The following PSD3 variants were observed in gnomAD, a reference collection of about 807,000 sequenced individuals.
The protein encoded by PSD3 is PH and SEC7 domain-containing protein 3.
In PSD3, 49 loss-of-function variants were observed where a neutral mutation model predicts 105.5. That is an observed-to-expected ratio of 0.46 (90% CI 0.37 to 0.59). The LOEUF is 0.59. PSD3 is among the 20% of genes least tolerant of loss of function. The pLI is 0.00. For missense variants in PSD3, 1,561 were observed against 1,263.8 expected, an observed-to-expected ratio of 1.24 and a Z score of -3.57; for synonymous variants, 557 against 457.8, an observed-to-expected ratio of 1.22 and a Z score of -2.77.
intron 4 of PSD3, among the ~76,000 whole-genome samples, chr8:18,858,748 T>G (rs1255593470): frequency 6.6e-6 from 1 of 152,224 alleles, no homozygotes; most frequent in Non-Finnish European, 1.5e-5. Flanking sequence ...TAAAGTTTTA[T>G]CATGACACTG....
At chr8:18,684,041 C>T (rs1800523150) in intron 9 of PSD3, 1 of 648,432 alleles carries the variant, frequency 1.5e-6, no homozygotes. Context: ...TGAGCAGCTC[C>T]TGAGCGCCGT....
At chr8:18,742,913 G>C (rs935005377) in intron 9 of PSD3, among the ~76,000 whole-genome samples, 1 of 152,170 alleles carries the variant, frequency 6.6e-6, no homozygotes, top group African/African-American at 2.4e-5. Flanking sequence ...CCACATTTCA[G>C]AGAACTGTAG....
At chr8:18,960,279 A>C (rs908306567) in intron 1 of PSD3, among the ~76,000 whole-genome samples, 11 of 152,232 alleles carry the variant, frequency 7.2e-5, no homozygotes, top group Admixed American at 6.5e-4. Context: ...TTAATAGGTA[A>C]GAAGGAATCT....
chr8:18,844,169 G>T (rs1031223244), intron 4 of PSD3, among the ~76,000 whole-genome samples: 3 of 151,486 alleles, frequency 2.0e-5, no homozygotes, highest in African/African-American at 7.3e-5. Context: ...TCTAAGAGCT[G>T]TATCTCCCCA....
At chr8:19,073,360 G>A (rs944941707) in intron 1 of PSD3, among the ~76,000 whole-genome samples, 4 of 151,942 alleles carry the variant, frequency 2.6e-5, no homozygotes, top group Non-Finnish European at 5.9e-5. Context: ...AGACCAGCCT[G>A]GCCAAAATGG....
intron 1 of PSD3, among the ~76,000 whole-genome samples, chr8:18,989,043 CT>C (rs1253587885): frequency 6.6e-6 from 1 of 152,122 alleles, no homozygotes; most frequent in Non-Finnish European, 1.5e-5. Flanking sequence ...CGTAGGTATT[CT>C]TTTTTCAGAC....
chr8:18,808,994 A>G, intron 4 of PSD3: 1 of 1,275,594 alleles, frequency 7.8e-7, no homozygotes, highest in South Asian at 1.8e-5. Flanking sequence ...TAAAAACAGC[A>G]GCCAGAACAC....
intron 9 of PSD3, among the ~76,000 whole-genome samples, chr8:18,663,120 T>C (rs1224569499): frequency 6.6e-6 from 1 of 152,146 alleles, no homozygotes; most frequent in African/African-American, 2.4e-5. Flanking sequence ...TCTCTGGGGA[T>C]GCACAAAATC....
chr8:18,666,500 CT>C (rs1429044691), intron 9 of PSD3, among the ~76,000 whole-genome samples: 1 of 152,220 alleles, frequency 6.6e-6, no homozygotes, highest in Non-Finnish European at 1.5e-5. Flanking sequence ...CTAGTTACAA[CT>C]GTAAACATCT....
At chr8:18,849,183 C>G (rs533968154) in intron 4 of PSD3, 2 of 152,282 alleles carry the variant, frequency 1.3e-5, no homozygotes, top group South Asian at 4.1e-4. Context: ...TAAAAAGTGC[C>G]AAGTCCTAAA....
chr8:18,700,142 C>T (rs1411547817), intron 9 of PSD3, among the ~76,000 whole-genome samples: 1 of 152,042 alleles, frequency 6.6e-6, no homozygotes, highest in Admixed American at 6.6e-5. Context: ...AATTAGCAAC[C>T]ATCTTTTGGG....
At chr8:18,821,708 CACACACACA>C (rs1812728896) in intron 4 of PSD3, among the ~76,000 whole-genome samples, 1 of 141,542 alleles carries the variant, frequency 7.1e-6, no homozygotes, top group Non-Finnish European at 1.6e-5. Flanking sequence ...CACACACACA[CACACACACA>C]CCCCAATAAC....
At chr8:19,062,319 C>A (rs922575406) in intron 1 of PSD3, among the ~76,000 whole-genome samples, 1 of 152,120 alleles carries the variant, frequency 6.6e-6, no homozygotes, top group Non-Finnish European at 1.5e-5. Flanking sequence ...GTGTGTTTTG[C>A]AGTTGGGATA....
chr8:18,750,538 C>T (rs1364260512), intron 9 of PSD3, among the ~76,000 whole-genome samples: 1 of 152,024 alleles, frequency 6.6e-6, no homozygotes. Context: ...AGATTTATTG[C>T]AAAGAGCGAA....
rs147974171 is a variant in PSD3 at position 18,836,280 on chromosome 8, C to T, written c.1635-31382G>A. 3.3e-4 allele frequency among the ~76,000 whole-genome samples: 51 copies of T among 152,278 alleles called. 1 individual carries two copies. The highest frequency in any genetic ancestry group is 1.2e-3 in the African/African-American group (50 of 41,548). On this transcript the variant is annotated intron_variant, in intron 4 of 15. Transcript: ENST00000327040. The stretch of plus-strand genomic sequence containing the variant: ...ATATAATTATTAAAAAGCAAACATG[C>T]TCAGGTGTTCCCTACAGTTATCTCA...
chr8:18,791,805 G>GA (rs1202994357), intron 8 of PSD3, among the ~76,000 whole-genome samples: 1 of 152,142 alleles, frequency 6.6e-6, no homozygotes, highest in Admixed American at 6.5e-5. Flanking sequence ...CAGAATGCGA[G>GA]AAAAATTTTG....
intron 1 of PSD3, among the ~76,000 whole-genome samples, chr8:19,064,407 A>T (rs1157379702): frequency 1.3e-5 from 2 of 152,168 alleles, no homozygotes; most frequent in Non-Finnish European, 2.9e-5. Context: ...CACAACAGTT[A>T]TACCTATTTA....
chr8:18,650,457 T>C (rs1310523037), intron 10 of PSD3, among the ~76,000 whole-genome samples: 3 of 152,238 alleles, frequency 2.0e-5, no homozygotes, highest in African/African-American at 7.2e-5. Flanking sequence ...AATGAACAAT[T>C]GAGCAAAGGA....
chr8:18,970,188 G>A (rs372845531), intron 1 of PSD3, among the ~76,000 whole-genome samples: 131 of 151,532 alleles, frequency 8.6e-4, no homozygotes, highest in African/African-American at 3.0e-3. Context: ...AGCCGGGCGT[G>A]GTGGCGGGCA....
Sources: gnomAD v4.1 joint callset for allele counts (sites outside exome capture counted in the v4.1 genomes callset) on GRCh38, gnomAD v4.1.1 for gene constraint, MANE v1.5 for transcripts, NCBI Gene and HGNC (gene_info 2026-07-23, HGNC 2026-07-21) for gene names.